PITPNM1: variants seen among roughly 807,000 people sequenced by gnomAD.
PITPNM1 encodes phosphatidylinositol transfer protein membrane associated 1.
A neutral mutation model predicts 133.3 loss-of-function variants in PITPNM1; 74 were observed. The ratio of observed to expected loss-of-function variants is 0.56; its 90% CI spans 0.46 to 0.67. The LOEUF (loss-of-function observed/expected upper bound fraction) is 0.67. PITPNM1 is among the 30% of genes least tolerant of loss of function. The pLI is 0.00. For missense variants in PITPNM1, 1,398 were observed against 1,739.5 expected (o/e 0.80, Z 3.49); for synonymous variants, 738 against 741.4 (o/e 1.00, Z 0.08).
intron 2 of PITPNM1, among the ~76,000 whole-genome samples, chr11:67,503,600 C>T (rs1384206475): frequency 2.0e-5 from 3 of 152,148 alleles, no homozygotes; most frequent in Non-Finnish European, 2.9e-5. Flanking sequence ...GAGCAGACTC[C>T]CCCAGGCCCC....
At chr11:67,499,366 G>A (rs894612108) in intron 8 of PITPNM1, among the ~76,000 whole-genome samples, 32 of 151,686 alleles carry the variant, frequency 2.1e-4, no homozygotes, top group African/African-American at 7.5e-4. Flanking sequence ...CAGTGCCTGG[G>A]AGCCAGTGTG....
At chr11:67,503,920 C>A in intron 2 of PITPNM1, 183 bp downstream of exon 2, 2 of 521,734 alleles carry the variant, frequency 3.8e-6, no homozygotes, top group East Asian at 3.3e-5. Flanking sequence ...GGGCACTTAG[C>A]GGATGGGAAG....
At chr11:67,497,829 G>T in intron 12 of PITPNM1, 88 bp downstream of exon 12, 1 of 1,474,532 alleles carries the variant, frequency 6.8e-7, no homozygotes, top group Non-Finnish European at 9.3e-7. Flanking sequence ...CCTGCCTGCT[G>T]GCAGAGGGGT....
chr11:67,498,129 T>C lies in PITPNM1; in HGVS notation c.1674+4A>G. ...CAGCAGATGGACTGTCCCTAACCGCTGACCTGCCCACAGAAGCCGGCACCC... is the reference window on the plus strand; with the variant it reads ...CAGCAGATGGACTGTCCCTAACCGCCGACCTGCCCACAGAAGCCGGCACCC... On this transcript the variant is annotated splice_donor_region_variant and intron_variant, in intron 11 of 23. Coordinates refer to ENST00000356404, the MANE Select transcript of PITPNM1 (RefSeq NM_004910.3). The surrounding 1 kb of genome is among the most constrained non-coding windows in gnomAD (Gnocchi z 5.7). The C allele has an allele frequency of 6.2e-7, 1 of 1,612,304 alleles. No individual in the cohort carries two copies. The highest frequency in any genetic ancestry group is 1.1e-5 in the South Asian group (1 of 91,072).
At chr11:67,493,328 TG>T in intron 22 of PITPNM1, 81 bp downstream of exon 22, 1 of 1,370,336 alleles carries the variant, frequency 7.3e-7, no homozygotes, top group Non-Finnish European at 9.9e-7. Context: ...TGGGAACAGA[TG>T]GGCCTCCGCC....
chr11:67,495,143 C>A lies in PITPNM1; in HGVS notation c.2565G>T (p.Thr855=). ...AGCTGGCGTGGAAGAGGTGGGGCAG[C>A]GTGACGGTGGGAAAGGCGGTGAGCG... ...PEALTAFPTV[T]LPHLFHASYW... is the part of the protein sequence containing the mutation. Residue 855 remains threonine (T), a synonymous_variant, in exon 17 of 24, where the codon ACG becomes ACT. Transcript: ENST00000356404. 6.2e-7 allele frequency: 1 copy of A among 1,612,506 alleles called. No individual in the cohort carries two copies. The highest frequency in any genetic ancestry group is 8.5e-7 in the Non-Finnish European group (1 of 1,179,872).
chr11:67,499,046 G>C (rs1316021659), intron 8 of PITPNM1, 45 bp from the exon 9 acceptor site: 1 of 1,562,086 alleles, frequency 6.4e-7, no homozygotes, highest in African/African-American at 1.4e-5. Context: ...AGGACCACTG[G>C]GATCCCCTCA....
In PITPNM1 at chr11:67,498,431, A is replaced by G. The variant is rs1457601719; in HGVS notation, c.1485-109T>C. On this transcript the variant is annotated intron_variant, in intron 10 of 23. Transcript: ENST00000356404. The surrounding 1 kb of genome is among the most constrained non-coding windows in gnomAD (Gnocchi z 5.7). ...CTGGCTCTGTGGGTCCTCTGTGGGG[A>G]GCGTTAGCCCCAAGAGGCAACTGAA... 7.2e-7 allele frequency: 1 copy of G among 1,382,982 alleles called. No individual in the cohort carries two copies. The highest frequency in any genetic ancestry group is 9.7e-7 in the Non-Finnish European group (1 of 1,033,490). 85.7% of individuals were successfully genotyped at this position (1,382,982 alleles called of 1,614,324 possible). A position where few individuals can be genotyped will look rare whatever the true frequency, so the allele number is the denominator to read the frequency against.
In PITPNM1 at chr11:67,498,990, C is replaced by T. The variant is rs749938991; in HGVS notation, c.1183G>A (p.Glu395Lys). Residue 395 changes from glutamate to lysine, a missense_variant, in exon 9 of 24, where the codon GAG becomes AAG. Glu to Lys is a moderately conservative substitution (Grantham distance 56, BLOSUM62 1). This residue lies in a region of PITPNM1 where 195 missense variants were observed against 178.8 expected (regional missense o/e 1.09). Coordinates refer to ENST00000356404, the MANE Select transcript of PITPNM1 (RefSeq NM_004910.3). The surrounding 1 kb of genome is among the most constrained non-coding windows in gnomAD (Gnocchi z 5.7). ...CCATCCTCAATGCCTTTAGCTGCCT[C>T]GGCTCCAGGCTCTGCAGGGCAACGA... Reference protein sequence around the residue: ...EAEGTPEPGAEAAKGIEDGAQ... With the variant: ...EAEGTPEPGAKAAKGIEDGAQ... 4.3e-6 allele frequency: 7 copies of T among 1,611,832 alleles called. No homozygotes were observed. The African/African-American group carries it at 5.3e-5, about 12-fold the overall frequency.
rs771833671 is a variant in PITPNM1 at position 67,494,214 on chromosome 11, G to T, written c.2859+30C>A. 3.1e-6 allele frequency: 5 copies of T among 1,595,080 alleles called. No homozygotes were observed. The South Asian group carries it at 4.4e-5, about 14-fold the overall frequency. ...CCGAGGACAGGAGATGGGGCCATGG[G>T]ACCAGGCGACAGGGCCTCTGGGTCC... On this transcript the variant is annotated intron_variant, in intron 19 of 23. Transcript: ENST00000356404.
At chr11:67,494,798 G>GGGCGAGAGTC (rs748444621) in intron 18 of PITPNM1, 48 bp downstream of exon 18, 17 of 1,353,318 alleles carry the variant, frequency 1.3e-5, no homozygotes, top group Non-Finnish European at 1.7e-5. Context: ...TCTGGTGAGT[G>GGGCGAGAGTC]GGCGAGAGTG....
At chr11:67,500,935 G>A (rs1866303743) in intron 5 of PITPNM1, among the ~76,000 whole-genome samples, 1 of 152,198 alleles carries the variant, frequency 6.6e-6, no homozygotes, top group African/African-American at 2.4e-5. Flanking sequence ...AATGATGGTT[G>A]AATGATAATT....
intron 8 of PITPNM1, 27 bp from the exon 9 acceptor site, chr11:67,499,028 G>T (rs757242325): frequency 3.1e-6 from 5 of 1,593,292 alleles, no homozygotes; most frequent in African/African-American, 2.7e-5. Flanking sequence ...CCAGTGAGAG[G>T]GACGGAGAGG....
In PITPNM1 at chr11:67,502,521, G is replaced by T; in HGVS notation, c.276C>A (p.Tyr92Ter). The T allele has an allele frequency of 6.2e-7, 1 of 1,613,766 alleles. No individual in the cohort carries two copies. The highest frequency in any genetic ancestry group is 8.5e-7 in the Non-Finnish European group (1 of 1,180,004). The change falls in exon 3 of 24, where the codon TAC becomes TAA. Residue 92 changes from tyrosine (Y) to a stop codon, truncating the protein, a stop_gained. Coordinates refer to ENST00000356404, the MANE Select transcript of PITPNM1 (RefSeq NM_004910.3). LOFTEE classifies it high-confidence loss of function. This position sits in a 1 kb window ranked among gnomAD's most constrained non-coding sequence, Gnocchi z 5.9. ...LQVEEESWNA[Y>*]PYTRTRYTCP... Reference sequence around the variant, plus strand: ...CCACTCACCGGGTTCGGGTGTAGGGGTAGGCATTCCAGGATTCCTCTTCTA... The same window carrying T: ...CCACTCACCGGGTTCGGGTGTAGGGTTAGGCATTCCAGGATTCCTCTTCTA...
rs1201409699 is a variant in PITPNM1, at chr11:67,501,909, C to T, written c.593G>A (p.Arg198His). 17 of 1,613,460 alleles carry T rather than the reference C, an allele frequency of 1.1e-5. No homozygotes were observed. Among genetic ancestry groups the T allele is most frequent in the Middle Eastern group, 3.3e-4 (2 of 6,084 alleles). Residue 198 changes from arginine (R) to histidine (H), a missense_variant, in exon 5 of 24, where the codon CGC (arginine) becomes CAC (histidine). Physicochemically the swap from Arg to His is conservative, Grantham distance 29. Around this residue, in one of 5 missense-constraint regions of PITPNM1, gnomAD observed 274 missense variants for 360.7 expected, o/e 0.76. Transcript: ENST00000356404. ...GATCTTGGCTTGCATGCCCCAGTAG[C>T]GGAACTCAACCTTGCACAGCTTATA... is the stretch of plus-strand genomic sequence containing the variant. ...CAYKLCKVEF[R>H]YWGMQAKIEQ...
In PITPNM1 at chr11:67,501,853, G is replaced by C. The variant is rs773263772; in HGVS notation, c.640+9C>G. On this transcript the variant is annotated intron_variant, in intron 5 of 23. Transcript: ENST00000356404. ...GGGTAAGTGGGACCTCCCGCAGCTG[G>C]GTGCTCACCTACATCATGGATGAAC... The C allele has an allele frequency of 7.4e-6, 12 of 1,612,102 alleles. No homozygotes were observed. In the South Asian group the frequency reaches 1.3e-4, roughly 18 times the overall value.
rs1866412564 is a variant in PITPNM1 at position 67,504,008 on chromosome 11, T to A, written c.78+95A>T. 1 of 929,342 alleles carries A rather than the reference T, an allele frequency of 1.1e-6. No individual in the cohort carries two copies. The highest frequency in any genetic ancestry group is 1.7e-5 in the African/African-American group (1 of 59,176). The allele number at this position is 929,342 out of a possible 1,614,324, so 57.6% of individuals were successfully genotyped here. Reference sequence around the variant, plus strand: ...CTGAAGGGGGGCCTCTCTTGCCTCCTCCGGGCTCCCAGCCGGTCCCAGCCC... The same window carrying A: ...CTGAAGGGGGGCCTCTCTTGCCTCCACCGGGCTCCCAGCCGGTCCCAGCCC... On this transcript the variant is annotated intron_variant, in intron 2 of 23. Coordinates refer to ENST00000356404, the MANE Select transcript of PITPNM1 (RefSeq NM_004910.3). This position sits in a 1 kb window ranked among gnomAD's most constrained non-coding sequence, Gnocchi z 5.4.
Position 67,504,348 on chromosome 11 carries a change from G to A in PITPNM1, c.-41-127C>T, listed in dbSNP as rs535790322. 343 of 322,164 alleles carry A rather than the reference G, an allele frequency of 1.1e-3. 2 individuals are homozygous for A. The highest frequency in any genetic ancestry group is 7.2e-3 in the African/African-American group (326 of 45,496). 20.0% of individuals were successfully genotyped at this position (322,164 alleles called of 1,614,324 possible). ...GGCCCGCCACGAGGGAGGCAGAGGC[G>A]AGCCTAGCACCGCCGCCCGCGCCGC... On this transcript the variant is annotated intron_variant, in intron 1 of 23. Coordinates refer to ENST00000356404, the MANE Select transcript of PITPNM1 (RefSeq NM_004910.3). This position sits in a 1 kb window ranked among gnomAD's most constrained non-coding sequence, Gnocchi z 5.4.
rs763821608 is a variant in PITPNM1, at chr11:67,499,938, C to G, written c.1039G>C (p.Glu347Gln). Residue 347 changes from glutamate (E) to glutamine (Q), a missense_variant, in exon 7 of 24, where the codon GAG (glutamate) becomes CAG (glutamine). Coordinates refer to ENST00000356404, the MANE Select transcript of PITPNM1 (RefSeq NM_004910.3). Reference sequence around the variant, plus strand: ...CCGTGGGCATCAAAGAACTCTTCCTCGGAGCTGTTCTCAGAGTCTCGGGCA... The same window carrying G: ...CCGTGGGCATCAAAGAACTCTTCCTGGGAGCTGTTCTCAGAGTCTCGGGCA... ...NIARDSENSS[E>Q]EEFFDAHEGF... 1 of 1,612,366 alleles carries G rather than the reference C, an allele frequency of 6.2e-7. No homozygotes were observed. The highest frequency in any genetic ancestry group is 8.5e-7 in the Non-Finnish European group (1 of 1,179,680).
Sources: gnomAD v4.1 joint callset for allele counts (sites outside exome capture counted in the v4.1 genomes callset) on GRCh38, gnomAD v4.1.1 for gene constraint, gnomAD v4.1.1 regional missense constraint, Gnocchi (gnomAD v3.1) non-coding constraint, MANE v1.5 for transcripts, NCBI Gene and HGNC (gene_info 2026-07-23, HGNC 2026-07-21) for gene names.